Variants in SEMA6D observed in about 807,000 individuals in gnomAD.
The protein encoded by SEMA6D is semaphorin-6D.
In SEMA6D, 35 loss-of-function variants were observed where a neutral mutation model predicts 106.6. That is an observed-to-expected ratio of 0.33 (90% confidence interval 0.25 to 0.44). The LOEUF is 0.44. SEMA6D is among the 20% of genes least tolerant of loss of function. The probability of loss-of-function intolerance (pLI) is 1.00; values close to 1 mark genes in which losing one functional copy is unlikely to be tolerated. For synonymous variants in SEMA6D, 499 were observed against 487.7 expected (o/e 1.02, Z -0.31); for missense variants, 1,185 against 1,345.9 (o/e 0.88, Z 1.87).
chr15:47,549,636 G>T (rs1052903607), intron 3 of SEMA6D, among the ~76,000 whole-genome samples: 45 of 150,598 alleles, frequency 3.0e-4, no homozygotes, highest in Admixed American at 3.0e-3. Context: ...GTTTTTTTTT[G>T]GACTAGGAAA....
At chr15:47,501,877 G>T (rs1656603) in intron 3 of SEMA6D, among the ~76,000 whole-genome samples, 20,326 of 83,632 alleles carry the variant, frequency 0.24, 2,015 homozygotes, top group East Asian at 0.55. Context: ...GTTTTGTTTT[G>T]TTTTACTATA....
At chr15:47,249,399 G>A (rs2033382262) in intron 1 of SEMA6D, among the ~76,000 whole-genome samples, 1 of 151,800 alleles carries the variant, frequency 6.6e-6, no homozygotes, top group African/African-American at 2.4e-5. Context: ...GTTAGGCCCT[G>A]GGGATGCAAA....
chr15:47,720,261 C>CTTTTTTTTT (rs869122623), intron 1 of SEMA6D, among the ~76,000 whole-genome samples: 2 of 97,164 alleles, frequency 2.1e-5, no homozygotes, highest in East Asian at 3.1e-4. Context: ...AATAACCTTT[C>CTTTTTTTTT]TTTTTTTTTT....
intron 1 of SEMA6D, among the ~76,000 whole-genome samples, chr15:47,335,294 T>C (rs1217271236): frequency 6.6e-6 from 1 of 152,030 alleles, no homozygotes; most frequent in Non-Finnish European, 1.5e-5. Flanking sequence ...GAGAAGAACA[T>C]GTTTGGGTTG....
At chr15:47,252,121 G>T in intron 1 of SEMA6D, among the ~76,000 whole-genome samples, 1 of 145,238 alleles carries the variant, frequency 6.9e-6, no homozygotes, top group Non-Finnish European at 1.5e-5. Context: ...GTTTCACCGT[G>T]TTAGCCAGGA....
chr15:47,764,333 G>A, intron 11 of SEMA6D, 28 bp downstream of exon 11: 1 of 1,603,842 alleles, frequency 6.2e-7, no homozygotes, highest in South Asian at 1.1e-5. Context: ...AAAGGGTTTT[G>A]TCTTGAACAA....
In SEMA6D at chr15:47,772,347, T is replaced by TGTGTGC. The variant is rs1555431191; in HGVS notation, c.*567_*568insCGTGTG. ...TTTTTCATGCCACCAACAAACTTGT[T>TGTGTGC]GTGTGTGTGCGTGTGTGTGTGTGTG... On this transcript the variant is annotated 3_prime_UTR_variant, in exon 19 of 19. Transcript: ENST00000536845. The TGTGTGC allele has an allele frequency of 2.4e-4, 29 of 121,666 alleles. No homozygotes were observed. The highest frequency in any genetic ancestry group is 4.3e-4 in the Admixed American group (5 of 11,692). 7.5% of individuals were successfully genotyped at this position (121,666 alleles called of 1,614,324 possible).
intron 1 of SEMA6D, among the ~76,000 whole-genome samples, chr15:47,731,905 CT>C (rs951309667): frequency 1.3e-5 from 2 of 152,148 alleles, no homozygotes; most frequent in African/African-American, 4.8e-5. Context: ...ACATGTGCCC[CT>C]ATAGAGATTT....
chr15:47,185,597 G>A (rs1001862574), intron 1 of SEMA6D: 1 of 152,088 alleles, frequency 6.6e-6, no homozygotes, highest in Non-Finnish European at 1.5e-5. Flanking sequence ...TGAAAGCAAA[G>A]TGCAATTTCC....
intron 1 of SEMA6D, among the ~76,000 whole-genome samples, chr15:47,347,546 G>T (rs2038097746): frequency 1.3e-5 from 2 of 152,022 alleles, no homozygotes; most frequent in East Asian, 1.9e-4. Flanking sequence ...AAACCCACGG[G>T]TAATAAAAGT....
At chr15:47,663,720 T>C (rs139888198) in intron 4 of SEMA6D, among the ~76,000 whole-genome samples, 146 of 152,180 alleles carry the variant, frequency 9.6e-4, no homozygotes, top group African/African-American at 3.2e-3. Context: ...GAAAACAGAG[T>C]TGCTAGAAAT....
At chr15:47,278,054 A>G (rs1408493271) in intron 1 of SEMA6D, among the ~76,000 whole-genome samples, 2 of 151,920 alleles carry the variant, frequency 1.3e-5, no homozygotes, top group Non-Finnish European at 2.9e-5. Flanking sequence ...GCTATTGTGA[A>G]TAATGCCACA....
intron 4 of SEMA6D, among the ~76,000 whole-genome samples, chr15:47,671,426 TAGG>T (rs1014668715): frequency 6.6e-5 from 10 of 152,142 alleles, no homozygotes; most frequent in African/African-American, 2.2e-4. Flanking sequence ...GCCTAAGGGC[TAGG>T]AGGAGAAACT....
intron 1 of SEMA6D, among the ~76,000 whole-genome samples, chr15:47,227,686 C>G (rs1351578794): frequency 6.7e-6 from 1 of 150,026 alleles, no homozygotes; most frequent in Non-Finnish European, 1.5e-5. Context: ...GATGCAATTT[C>G]AGGACTGAAA....
chr15:47,765,697 A>G lies in SEMA6D; in HGVS notation c.1428-172A>G, dbSNP rs552505286. The G allele has an allele frequency of 5.2e-5, 33 of 630,112 alleles. No homozygotes were observed. In the South Asian group the frequency reaches 2.4e-3, roughly 45 times the overall value. The allele number at this position is 630,112 out of a possible 1,614,324, so 39.0% of individuals were successfully genotyped here. A position where few individuals can be genotyped will look rare whatever the true frequency, so the allele number is the denominator to read the frequency against. ...CTTTGTCCAGCCTGAAATTTAACCA[A>G]CCATGCAGAGAAGTAGAAGATGAAT... On this transcript the variant is annotated intron_variant, in intron 13 of 18. Coordinates refer to ENST00000536845, the MANE Select transcript of SEMA6D (RefSeq NM_001358351.3).
chr15:47,363,046 A>G (rs1391935891), intron 1 of SEMA6D, among the ~76,000 whole-genome samples: 1 of 151,946 alleles, frequency 6.6e-6, no homozygotes, highest in Non-Finnish European at 1.5e-5. Flanking sequence ...TAATAATAAT[A>G]ATATAATAAT....
chr15:47,210,002 G>C (rs536732787), intron 1 of SEMA6D, among the ~76,000 whole-genome samples: 6 of 151,976 alleles, frequency 3.9e-5, no homozygotes, highest in Admixed American at 6.6e-5. Flanking sequence ...AAAGGGAGTG[G>C]GATAAAGAAA....
intron 1 of SEMA6D, among the ~76,000 whole-genome samples, chr15:47,367,336 A>T (rs2039067757): frequency 6.6e-6 from 1 of 152,180 alleles, no homozygotes; most frequent in South Asian, 2.1e-4. Flanking sequence ...GATTATTAAT[A>T]ACTAGTCTGC....
intron 4 of SEMA6D, among the ~76,000 whole-genome samples, chr15:47,616,007 TA>T: frequency 6.6e-6 from 1 of 152,314 alleles, no homozygotes; most frequent in South Asian, 2.1e-4. Context: ...ACCTCCTCCC[TA>T]AAGTCTTCCT....
Sources: gnomAD v4.1 joint callset for allele counts (sites outside exome capture counted in the v4.1 genomes callset) on GRCh38, gnomAD v4.1.1 for gene constraint, MANE v1.5 for transcripts, NCBI Gene and HGNC (gene_info 2026-07-23, HGNC 2026-07-21) for gene names.